Variants in DDX24 observed in about 807,000 individuals in gnomAD.
DDX24 encodes ATP-dependent RNA helicase DDX24.
DDX24 carries 24 observed loss-of-function variants against 68.9 expected under a neutral mutation model. That is an observed-to-expected ratio of 0.35 (90% CI 0.25 to 0.49). The LOEUF is 0.49. Ranked by LOEUF, DDX24 falls within the 20% of genes least tolerant of loss-of-function variation. The pLI, the probability that DDX24 is intolerant of heterozygous loss-of-function variation, is 0.99. For synonymous variants in DDX24, 395 were observed against 385.2 expected, an observed-to-expected ratio of 1.03 and a Z score of -0.30; for missense variants, 989 against 1,039.0, an observed-to-expected ratio of 0.95 and a Z score of 0.66.
intron 2 of DDX24, 76 bp downstream of exon 2, chr14:94,078,949 C>T (rs1885999187): frequency 2.8e-6 from 4 of 1,427,358 alleles, no homozygotes; most frequent in Admixed American, 4.4e-5. Flanking sequence ...ATTCTTCTCT[C>T]TCCCAATTAT....
chr14:94,053,797 T>G (rs1885440802), intron 7 of DDX24, among the ~76,000 whole-genome samples: 1 of 152,044 alleles, frequency 6.6e-6, no homozygotes, highest in Non-Finnish European at 1.5e-5. Context: ...CTGGGCAACA[T>G]GAGCAAAGCT....
intron 7 of DDX24, among the ~76,000 whole-genome samples, chr14:94,053,531 T>C (rs1031377565): frequency 6.6e-6 from 1 of 152,044 alleles, no homozygotes; most frequent in Non-Finnish European, 1.5e-5. Context: ...AAAAAGCTCT[T>C]GAGCCGGGCA....
At chr14:94,060,765 A>G in intron 4 of DDX24, 148 bp downstream of exon 4, 2 of 1,456,466 alleles carry the variant, frequency 1.4e-6, no homozygotes, top group South Asian at 1.4e-5. Context: ...AATCTCCCTC[A>G]TGCACTCTTG....
At chr14:94,063,809 A>G (rs527904565) in intron 2 of DDX24, among the ~76,000 whole-genome samples, 1 of 152,314 alleles carries the variant, frequency 6.6e-6, no homozygotes, top group South Asian at 2.1e-4. Flanking sequence ...AGGCTGAGGC[A>G]GGAGGATTGC....
chr14:94,060,343 A>G lies in DDX24; in HGVS notation c.1668T>C (p.Asn556=), dbSNP rs780037374. The G allele has an allele frequency of 1.2e-6, 2 of 1,614,184 alleles. No homozygotes were observed. Among genetic ancestry groups the G allele is most frequent in the South Asian group, 2.2e-5 (2 of 91,080 alleles). The stretch of plus-strand genomic sequence containing the variant: ...CTGTTAGCGTCTCCACCGTGGCCTC[A>G]TTCCTTGTGAGGTCAATGACCTTGG... ...GKPKVIDLTR[N]EATVETLTET... The change falls in exon 5 of 9, where the codon AAT becomes AAC. Residue 556 remains asparagine (N), a synonymous_variant. Coordinates refer to ENST00000621632, the MANE Select transcript of DDX24 (RefSeq NM_020414.4).
intron 2 of DDX24, 105 bp from the exon 3 acceptor site, chr14:94,062,726 C>A (rs1248257769): frequency 1.7e-5 from 23 of 1,377,694 alleles, no homozygotes; most frequent in Non-Finnish European, 2.2e-5. Flanking sequence ...TAGCCAAGTG[C>A]CACCCTGACC....
At chr14:94,054,750 G>T (rs113727748) in intron 7 of DDX24, among the ~76,000 whole-genome samples, 1,918 of 152,296 alleles carry the variant, frequency 0.013, 44 homozygotes, top group African/African-American at 0.042. Context: ...GAGGAGGGGG[G>T]ACTTCAGGGC....
intron 2 of DDX24, among the ~76,000 whole-genome samples, chr14:94,071,917 C>G (rs896406325): frequency 1.3e-5 from 2 of 152,136 alleles, no homozygotes; most frequent in African/African-American, 4.8e-5. Flanking sequence ...TGCACTCCAG[C>G]CTGGGCAACA....
At chr14:94,062,648 T>G in intron 2 of DDX24, 27 bp from the exon 3 acceptor site, 1 of 1,563,082 alleles carries the variant, frequency 6.4e-7, no homozygotes, top group African/African-American at 1.4e-5. Flanking sequence ...CAAAACAAAG[T>G]AAAAACAGTG....
chr14:94,073,272 A>G (rs1885871077), intron 2 of DDX24, among the ~76,000 whole-genome samples: 1 of 151,952 alleles, frequency 6.6e-6, no homozygotes, highest in Non-Finnish European at 1.5e-5. Context: ...TTTTTAGTAG[A>G]GACAGTTTCG....
intron 6 of DDX24, chr14:94,056,182 T>G (rs930326596): frequency 9.2e-5 from 14 of 152,220 alleles, no homozygotes; most frequent in African/African-American, 3.4e-4. Flanking sequence ...AATTAGCACC[T>G]GTGATACAGT....
chr14:94,078,203 C>T (rs1885985234), intron 2 of DDX24, among the ~76,000 whole-genome samples: 1 of 152,144 alleles, frequency 6.6e-6, no homozygotes, highest in South Asian at 2.1e-4. Context: ...TATATGTAAG[C>T]ACTACACCAT....
chr14:94,062,923 T>C (rs1885627981), intron 2 of DDX24, among the ~76,000 whole-genome samples: 1 of 152,244 alleles, frequency 6.6e-6, no homozygotes, highest in Non-Finnish European at 1.5e-5. Flanking sequence ...ATGTGTTGTT[T>C]CTGTGAGGAG....
intron 2 of DDX24, among the ~76,000 whole-genome samples, chr14:94,076,272 G>T (rs574902204): frequency 8.5e-5 from 13 of 152,256 alleles, no homozygotes; most frequent in African/African-American, 2.9e-4. Context: ...CACTAAAAAG[G>T]AATGAACTGC....
chr14:94,071,501 T>C (rs528834524), intron 2 of DDX24, among the ~76,000 whole-genome samples: 3 of 151,446 alleles, frequency 2.0e-5, no homozygotes, highest in African/African-American at 4.9e-5. Flanking sequence ...ATACAAAAAT[T>C]AGTCGGGCAT....
chr14:94,067,501 T>C (rs1008744664), intron 2 of DDX24, among the ~76,000 whole-genome samples: 11 of 152,120 alleles, frequency 7.2e-5, no homozygotes, highest in Admixed American at 3.9e-4. Context: ...GGAAATTCAC[T>C]GCAAAAAGAT....
rs1555435409 is a variant in DDX24, at chr14:94,051,242, C to T, written c.2529G>A (p.Lys843=). ...GCTGTTCCGGCTGTGGCTCCTTCGG[C>T]TTCTTTGTCTTCTTCTTCTTCTGCT... ...LSKQKKKKTK[K]PKEPQPEQPQ... The change falls in exon 9 of 9, where the codon AAG becomes AAA. Residue 843 remains lysine (K), a synonymous_variant. Coordinates refer to ENST00000621632, the MANE Select transcript of DDX24 (RefSeq NM_020414.4). The T allele has an allele frequency of 1.3e-6, 2 of 1,590,614 alleles. No individual in the cohort carries two copies. The highest frequency in any genetic ancestry group is 1.7e-6 in the Non-Finnish European group (2 of 1,169,348).
At chr14:94,077,931 C>T (rs1885977891) in intron 2 of DDX24, among the ~76,000 whole-genome samples, 1 of 151,694 alleles carries the variant, frequency 6.6e-6, no homozygotes, top group Non-Finnish European at 1.5e-5. Flanking sequence ...AAATGTGACT[C>T]CTAGTAAATT....
At chr14:94,052,233 T>C (rs1339000306) in intron 8 of DDX24, among the ~76,000 whole-genome samples, 1 of 152,216 alleles carries the variant, frequency 6.6e-6, no homozygotes, top group Non-Finnish European at 1.5e-5. Context: ...GTTCTAGATT[T>C]GGTTCTACCA....
Sources: allele counts gnomAD v4.1 joint callset (sites outside exome capture counted in the v4.1 genomes callset), GRCh38; gene constraint gnomAD v4.1.1; transcripts MANE v1.5; gene names NCBI Gene and HGNC (gene_info 2026-07-23, HGNC 2026-07-21).